The following NETO1 variants were observed in gnomAD, a reference collection of about 807,000 sequenced individuals.
The protein encoded by NETO1 is neuropilin and tolloid-like protein 1.
Under a neutral mutation model 61.3 loss-of-function variants are expected in NETO1, and 26 were observed. That is an observed-to-expected ratio of 0.42 (90% CI 0.31 to 0.59). The LOEUF is 0.59. NETO1 is among the 20% of genes least tolerant of loss of function. The pLI, the probability that NETO1 is intolerant of heterozygous loss-of-function variation, is 0.12. For synonymous variants in NETO1, 225 were observed against 225.8 expected (o/e 1.00, Z 0.03); for missense variants, 531 against 662.8 (o/e 0.80, Z 2.18).
chr18:72,835,612 G>C lies in NETO1; in HGVS notation c.469+23214C>G, dbSNP rs551031229. Among the ~76,000 whole-genome samples the C allele has an allele frequency of 7.2e-5, 11 of 152,208 alleles. No individual in the cohort carries two copies. In the East Asian group the frequency reaches 7.7e-4, roughly 11 times the overall value. On this transcript the variant is annotated intron_variant, in intron 4 of 10. Coordinates refer to ENST00000327305, the MANE Select transcript of NETO1 (RefSeq NM_138966.5). Reference sequence around the variant, plus strand: ...AAGGAAGAATGATGGGTATTTCTACGGTTTATTGTTTGGTGAGCCCGAAGT... The same window carrying C: ...AAGGAAGAATGATGGGTATTTCTACCGTTTATTGTTTGGTGAGCCCGAAGT...
intron 4 of NETO1, among the ~76,000 whole-genome samples, chr18:72,840,505 A>C (rs1315641956): frequency 6.6e-6 from 1 of 152,226 alleles, no homozygotes; most frequent in South Asian, 2.1e-4. Flanking sequence ...CGATATGAGC[A>C]ATAGGAGGGC....
intron 4 of NETO1, among the ~76,000 whole-genome samples, chr18:72,845,854 T>C (rs1228243060): frequency 1.3e-5 from 2 of 152,366 alleles, no homozygotes; most frequent in South Asian, 2.1e-4. Context: ...TTGGCCCTTA[T>C]GGCGTATTAC....
chr18:72,815,585 T>C (rs998855878), intron 4 of NETO1, among the ~76,000 whole-genome samples: 9 of 152,120 alleles, frequency 5.9e-5, no homozygotes, highest in African/African-American at 1.2e-4. Context: ...CAAAATGCAA[T>C]TAAAATAACA....
chr18:72,793,999 A>G, intron 6 of NETO1, 118 bp downstream of exon 6: 1 of 1,304,114 alleles, frequency 7.7e-7, no homozygotes, highest in Non-Finnish European at 1.1e-6. Context: ...ATGAAATCAT[A>G]GCCTTTGATG....
chr18:72,813,224 C>G (rs17086364), intron 4 of NETO1, among the ~76,000 whole-genome samples: 1,850 of 152,292 alleles, frequency 0.012, 37 homozygotes, highest in East Asian at 0.049. Context: ...TACAGGAGAA[C>G]TGCACCTCAA....
intron 4 of NETO1, among the ~76,000 whole-genome samples, chr18:72,848,946 A>G (rs765714367): frequency 2.0e-5 from 3 of 152,192 alleles, no homozygotes; most frequent in Admixed American, 1.3e-4. Context: ...CCATTAGCCA[A>G]AGATTTTCTT....
At chr18:72,761,473 T>G (rs189024241) in intron 7 of NETO1, among the ~76,000 whole-genome samples, 1,924 of 152,306 alleles carry the variant, frequency 0.013, 46 homozygotes, top group African/African-American at 0.044. Context: ...TGATACTCTT[T>G]TTTTAACAGT....
chr18:72,786,056 T>G (rs1035372209), intron 6 of NETO1, among the ~76,000 whole-genome samples: 2 of 152,240 alleles, frequency 1.3e-5, no homozygotes, highest in Non-Finnish European at 2.9e-5. Flanking sequence ...ATTTTACACA[T>G]AGTAAACACT....
At chr18:72,824,129 C>T (rs1199463850) in intron 4 of NETO1, among the ~76,000 whole-genome samples, 1 of 152,194 alleles carries the variant, frequency 6.6e-6, no homozygotes, top group East Asian at 1.9e-4. Context: ...TCATCCACAA[C>T]TTCTAATAGA....
downstream of NETO1, among the ~76,000 whole-genome samples, chr18:72,743,436 T>C (rs1466900971): frequency 6.6e-6 from 1 of 152,216 alleles, no homozygotes. Context: ...TTATAAAGCA[T>C]CATGTCTATT....
chr18:72,843,272 C>T (rs1411494727), intron 4 of NETO1, among the ~76,000 whole-genome samples: 10 of 152,044 alleles, frequency 6.6e-5, no homozygotes, highest in Non-Finnish European at 1.3e-4. Flanking sequence ...TAGTGTAAAT[C>T]CTAGCAGAGA....
chr18:72,842,878 T>A (rs1041076397), intron 4 of NETO1, among the ~76,000 whole-genome samples: 1 of 152,238 alleles, frequency 6.6e-6, no homozygotes, highest in Non-Finnish European at 1.5e-5. Context: ...GCGTACAAAG[T>A]GCTTTGAACA....
chr18:72,750,697 A>T, intron 8 of NETO1, 77 bp from the exon 9 acceptor site: 1 of 1,036,268 alleles, frequency 9.7e-7, no homozygotes, highest in South Asian at 1.8e-5. Flanking sequence ...TTATAGTCAA[A>T]ATGTGTATTA....
intron 4 of NETO1, among the ~76,000 whole-genome samples, chr18:72,813,887 G>C (rs1483032672): frequency 6.6e-6 from 1 of 151,988 alleles, no homozygotes. Flanking sequence ...TTTCAAAACT[G>C]TTGAAAAAGA....
intron 4 of NETO1, among the ~76,000 whole-genome samples, chr18:72,795,131 T>A (rs1442677093): frequency 2.0e-5 from 3 of 152,210 alleles, no homozygotes; most frequent in African/African-American, 7.2e-5. Flanking sequence ...TGCTGTGTCA[T>A]GAGTCTAAGA....
chr18:72,867,270 G>C lies in NETO1; in HGVS notation c.22C>G (p.Leu8Val). The change falls in exon 1 of 11, where the codon CTT becomes GTT. Residue 8 changes from leucine to valine, a missense_variant. Transcript: ENST00000327305. MIHGRSV[L>V]HIVASLIILH... The stretch of plus-strand genomic sequence containing the variant: ...CGGCGGGGAGGGTACTCACTGTGAA[G>C]CACGCTGCGCCCATGGATCATGTCT... 1 of 1,566,322 alleles carries C rather than the reference G, an allele frequency of 6.4e-7. No individual in the cohort carries two copies. Among genetic ancestry groups the C allele is most frequent in the Non-Finnish European group, 8.6e-7 (1 of 1,156,284 alleles).
At chr18:72,801,414 T>G (rs1291947426) in intron 4 of NETO1, among the ~76,000 whole-genome samples, 1 of 152,206 alleles carries the variant, frequency 6.6e-6, no homozygotes, top group Non-Finnish European at 1.5e-5. Flanking sequence ...TGCATTCTCA[T>G]TTTCTCAAAA....
intron 8 of NETO1, among the ~76,000 whole-genome samples, chr18:72,754,225 T>C (rs1391939736): frequency 6.6e-6 from 1 of 151,914 alleles, no homozygotes; most frequent in Non-Finnish European, 1.5e-5. Context: ...AATGTTGGAC[T>C]AGAATATACT....
At chr18:72,759,504 T>C (rs2070900058) in intron 7 of NETO1, among the ~76,000 whole-genome samples, 1 of 152,202 alleles carries the variant, frequency 6.6e-6, no homozygotes, top group African/African-American at 2.4e-5. Flanking sequence ...TTTAACTGAT[T>C]AATATTACTT....
Sources: allele counts gnomAD v4.1 joint callset (sites outside exome capture counted in the v4.1 genomes callset), GRCh38; gene constraint gnomAD v4.1.1; transcripts MANE v1.5; gene names NCBI Gene and HGNC (gene_info 2026-07-23, HGNC 2026-07-21).